The following ARHGAP6 variants were observed in gnomAD, a reference collection of about 807,000 sequenced individuals.
The protein encoded by ARHGAP6 is Rho GTPase activating protein 6.
ARHGAP6 carries 16 observed loss-of-function variants against 55.7 expected under a neutral mutation model. That is an observed-to-expected ratio of 0.29 (90% confidence interval 0.19 to 0.44). The LOEUF is 0.44. Ranked by LOEUF, ARHGAP6 falls within the 20% of genes least tolerant of loss-of-function variation. The pLI is 1.00. For missense variants in ARHGAP6, 698 were observed against 808.9 expected (o/e 0.86, Z 1.66); for synonymous variants, 382 against 360.9 (o/e 1.06, Z -0.66).
chrX:11,596,061 C>A (rs1015678718), intron 1 of ARHGAP6, among the ~76,000 whole-genome samples: 2 of 112,025 alleles, frequency 1.8e-5, no homozygotes, highest in Admixed American at 1.9e-4. Context: ...ACCGAGCAAT[C>A]CCATTACAGG....
chrX:11,179,880 G>T (rs1222640205), intron 6 of ARHGAP6, among the ~76,000 whole-genome samples: 1 of 108,350 alleles, frequency 9.2e-6, no homozygotes, highest in Non-Finnish European at 1.9e-5. Context: ...CACCTAAGAG[G>T]TAGAAGACAA....
chrX:11,212,430 G>C (rs184077782), intron 2 of ARHGAP6, among the ~76,000 whole-genome samples: 1 of 112,483 alleles, frequency 8.9e-6, no homozygotes, highest in East Asian at 2.8e-4. Flanking sequence ...GTAACTCCTA[G>C]AGCACTGCTT....
At chrX:11,390,465 G>T (rs1221996686) in intron 1 of ARHGAP6, among the ~76,000 whole-genome samples, 2 of 111,140 alleles carry the variant, frequency 1.8e-5, no homozygotes, top group African/African-American at 3.3e-5. Flanking sequence ...TGACAAATGG[G>T]ATCTAATTAA....
At chrX:11,577,526 A>G (rs1382471811) in intron 1 of ARHGAP6, among the ~76,000 whole-genome samples, 1 of 111,975 alleles carries the variant, frequency 8.9e-6, no homozygotes. Flanking sequence ...TGTTCCCATG[A>G]CCAGAAAGAA....
chrX:11,500,763 G>C, intron 1 of ARHGAP6, among the ~76,000 whole-genome samples: 1 of 108,016 alleles, frequency 9.3e-6, no homozygotes, highest in East Asian at 2.9e-4. Flanking sequence ...AATAAATCAA[G>C]TCTTTTGGGG....
At chrX:11,561,680 C>T (rs1205112332) in intron 1 of ARHGAP6, among the ~76,000 whole-genome samples, 1 of 112,326 alleles carries the variant, frequency 8.9e-6, no homozygotes. Context: ...TTGGCTATGA[C>T]CCCAAAGGAA....
chrX:11,308,848 G>A lies in ARHGAP6; in HGVS notation c.589-54141C>T, dbSNP rs190895414. Among the ~76,000 whole-genome samples, 408 of 112,403 alleles carry A rather than the reference G, an allele frequency of 3.6e-3. 2 individuals are homozygous for A. The highest frequency in any genetic ancestry group is 0.012 in the African/African-American group (373 of 30,942). On this transcript the variant is annotated intron_variant, in intron 1 of 12. Transcript: ENST00000337414. ...TCAAATACTGAGAAAATAGCCAAAA[G>A]GAATGGTGCAGAAGAAATGGTGGGT... is the stretch of plus-strand genomic sequence containing the variant.
chrX:11,308,720 T>C (rs1032467877), intron 1 of ARHGAP6, among the ~76,000 whole-genome samples: 1 of 112,020 alleles, frequency 8.9e-6, no homozygotes, highest in African/African-American at 3.2e-5. Context: ...TCAGTTTCCT[T>C]ACCTCTAGCA....
intron 1 of ARHGAP6, among the ~76,000 whole-genome samples, chrX:11,585,812 C>G (rs1050789125): frequency 1.8e-5 from 2 of 111,705 alleles, no homozygotes; most frequent in Non-Finnish European, 3.8e-5. Context: ...ACAGGCTGTA[C>G]AGGAAGCATA....
chrX:11,361,729 A>G (rs1223130076), intron 1 of ARHGAP6, among the ~76,000 whole-genome samples: 4 of 111,390 alleles, frequency 3.6e-5, no homozygotes, highest in East Asian at 2.8e-4. Context: ...CCTACAAAAT[A>G]GGAGAAAATT....
At chrX:11,177,743 T>A (rs1237029416) in intron 8 of ARHGAP6, among the ~76,000 whole-genome samples, 3 of 112,009 alleles carry the variant, frequency 2.7e-5, no homozygotes, top group Non-Finnish European at 5.6e-5. Context: ...ATTATAAGGA[T>A]AACAATCTCC....
intron 1 of ARHGAP6, among the ~76,000 whole-genome samples, chrX:11,660,928 C>CTGATCT (rs2147209431): frequency 9.0e-6 from 1 of 111,652 alleles, no homozygotes; most frequent in South Asian, 3.8e-4. Context: ...CCTCATTCTG[C>CTGATCT]TGATCTTCTG....
At chrX:11,352,871 C>G (rs1162966076) in intron 1 of ARHGAP6, among the ~76,000 whole-genome samples, 1 of 111,439 alleles carries the variant, frequency 9.0e-6, no homozygotes, top group African/African-American at 3.3e-5. Context: ...ACTCTGTTCA[C>G]CTGGATTGAT....
chrX:11,573,575 T>C (rs2051556987), intron 1 of ARHGAP6, among the ~76,000 whole-genome samples: 3 of 110,446 alleles, frequency 2.7e-5, no homozygotes, highest in Non-Finnish European at 5.7e-5. Context: ...ACCATGCTGT[T>C]TTGGTTACTG....
In ARHGAP6 at chrX:11,538,443, C is replaced by A. The variant is rs187114819; in HGVS notation, c.588+125798G>T. 1.9e-4 allele frequency among the ~76,000 whole-genome samples: 21 copies of A among 111,308 alleles called. 1 individual carries two copies. In the East Asian group the frequency reaches 5.9e-3, roughly 31 times the overall value. On this transcript the variant is annotated intron_variant, in intron 1 of 12. Transcript: ENST00000337414. Reference sequence around the variant, plus strand: ...CTGAGCACCTGTCTATAAAATGTATCTTTAGGAGAAGAGTAACTAACACAA... The same window carrying A: ...CTGAGCACCTGTCTATAAAATGTATATTTAGGAGAAGAGTAACTAACACAA...
chrX:11,341,789 C>A (rs2048709816), intron 1 of ARHGAP6, among the ~76,000 whole-genome samples: 1 of 111,700 alleles, frequency 9.0e-6, no homozygotes, highest in African/African-American at 3.3e-5. Flanking sequence ...CTGTCTTTTG[C>A]CAAAGTGTTA....
At chrX:11,648,666 T>A (rs772838817) in intron 1 of ARHGAP6, among the ~76,000 whole-genome samples, 6 of 112,188 alleles carry the variant, frequency 5.3e-5, no homozygotes, top group African/African-American at 1.6e-4. Context: ...GTACATACTG[T>A]TATACTCCCC....
intron 1 of ARHGAP6, among the ~76,000 whole-genome samples, chrX:11,588,881 C>A (rs1040843914): frequency 9.0e-6 from 1 of 111,337 alleles, no homozygotes; most frequent in Non-Finnish European, 1.9e-5. Context: ...ATACTCAAAT[C>A]CCCTGAATTG....
At chrX:11,276,188 C>T (rs1392965504) in intron 1 of ARHGAP6, among the ~76,000 whole-genome samples, 2 of 111,263 alleles carry the variant, frequency 1.8e-5, no homozygotes, top group African/African-American at 6.5e-5. Flanking sequence ...CGATACGTCC[C>T]TCCTATGTAA....
Sources: allele counts gnomAD v4.1 joint callset (sites outside exome capture counted in the v4.1 genomes callset), GRCh38; gene constraint gnomAD v4.1.1; transcripts MANE v1.5; gene names NCBI Gene and HGNC (gene_info 2026-07-23, HGNC 2026-07-21).